Variants in CNTNAP5 observed in about 807,000 individuals in gnomAD.
CNTNAP5 encodes the protein contactin-associated protein-like 5.
CNTNAP5 carries 72 observed loss-of-function variants against 150.2 expected under a neutral mutation model. The ratio of observed to expected loss-of-function variants is 0.48; its 90% CI spans 0.40 to 0.58. The LOEUF (loss-of-function observed/expected upper bound fraction) is 0.58, where lower values mean the gene tolerates loss of function less well. Ranked by LOEUF, CNTNAP5 falls within the 20% of genes least tolerant of loss-of-function variation. The probability of loss-of-function intolerance (pLI) is 0.00; values close to 1 mark genes in which losing one functional copy is unlikely to be tolerated. For missense variants in CNTNAP5, 1,636 were observed against 1,626.2 expected, an observed-to-expected ratio of 1.01 and a Z score of -0.10; for synonymous variants, 672 against 619.8, an observed-to-expected ratio of 1.08 and a Z score of -1.25.
chr2:124,707,857 C>T (rs955064321), intron 13 of CNTNAP5, among the ~76,000 whole-genome samples: 2 of 152,238 alleles, frequency 1.3e-5, no homozygotes, highest in South Asian at 2.1e-4. Flanking sequence ...GAATTACATA[C>T]AATTATTATT....
intron 1 of CNTNAP5, among the ~76,000 whole-genome samples, chr2:124,051,211 T>C (rs75070890): frequency 1.3e-4 from 20 of 151,836 alleles, no homozygotes; most frequent in African/African-American, 4.8e-4. Flanking sequence ...AAAAAAAAAA[T>C]ACACACAAAC....
At chr2:124,449,640 C>T (rs1692916076) in intron 6 of CNTNAP5, among the ~76,000 whole-genome samples, 1 of 152,130 alleles carries the variant, frequency 6.6e-6, no homozygotes, top group Non-Finnish European at 1.5e-5. Flanking sequence ...TCAGGGCGTG[C>T]ACGGATGTCT....
Position 124,870,261 on chromosome 2 carries a change from A to G in CNTNAP5, c.3436+499A>G, listed in dbSNP as rs543215659. On this transcript the variant is annotated intron_variant, in intron 21 of 23. Coordinates refer to ENST00000682447, the MANE Select transcript of CNTNAP5 (RefSeq NM_001367498.1). ...AATTTTTTATCTACTTGATGAAGTG[A>G]ACATTTTATCACACTTAAGTGACCT... is the stretch of plus-strand genomic sequence containing the variant. 1.6e-3 allele frequency among the ~76,000 whole-genome samples: 247 copies of G among 151,552 alleles called. 1 individual carries two copies. The highest frequency in any genetic ancestry group is 3.5e-3 in the Middle Eastern group (1 of 288).
chr2:124,076,901 C>A (rs757599503), intron 1 of CNTNAP5, among the ~76,000 whole-genome samples: 1 of 152,082 alleles, frequency 6.6e-6, no homozygotes, highest in Non-Finnish European at 1.5e-5. Flanking sequence ...TATAATCTCC[C>A]TATAAAAAAC....
At chr2:124,892,650 A>G (rs979010112) in intron 21 of CNTNAP5, among the ~76,000 whole-genome samples, 2 of 152,102 alleles carry the variant, frequency 1.3e-5, no homozygotes, top group African/African-American at 4.8e-5. Flanking sequence ...GGTGAGTGCT[A>G]TACTGTAATT....
At position 124,607,233 on chromosome 2, in the gene CNTNAP5, C is replaced by G. The variant is rs992502881; in HGVS notation, c.1757-2568C>G. Reference sequence around the variant, plus strand: ...CTTAGCTAGGTGGTTCTGTCTTGGTCTCTCATGCAGCTGCAAAAAAGATGT... The same window carrying G: ...CTTAGCTAGGTGGTTCTGTCTTGGTGTCTCATGCAGCTGCAAAAAAGATGT... On this transcript the variant is annotated intron_variant, in intron 11 of 23. Transcript: ENST00000682447. Among the ~76,000 whole-genome samples the G allele has an allele frequency of 2.0e-5, 3 of 152,120 alleles. 1 individual carries two copies. The highest frequency in any genetic ancestry group is 2.0e-4 in the Admixed American group (3 of 15,260).
chr2:124,791,272 T>G (rs984111512), intron 18 of CNTNAP5, among the ~76,000 whole-genome samples: 4 of 152,230 alleles, frequency 2.6e-5, no homozygotes, highest in African/African-American at 9.6e-5. Flanking sequence ...TCTCCTGAAT[T>G]AGTTTGAATT....
At chr2:124,852,545 T>C (rs996067367) in intron 19 of CNTNAP5, among the ~76,000 whole-genome samples, 3 of 152,234 alleles carry the variant, frequency 2.0e-5, no homozygotes, top group Non-Finnish European at 4.4e-5. Context: ...GCAGACCATG[T>C]CAAAGAATTT....
chr2:124,027,036 C>G (rs530814705), intron 1 of CNTNAP5, among the ~76,000 whole-genome samples: 17 of 152,260 alleles, frequency 1.1e-4, no homozygotes, highest in African/African-American at 4.1e-4. Flanking sequence ...TGCCTTATAC[C>G]GATTGTATTA....
At chr2:124,219,923 C>CAGTG (rs1686260500) in intron 1 of CNTNAP5, among the ~76,000 whole-genome samples, 1 of 151,982 alleles carries the variant, frequency 6.6e-6, no homozygotes, top group South Asian at 2.1e-4. Flanking sequence ...TATTCTTCTT[C>CAGTG]AGTGAGGATC....
chr2:124,048,610 C>A (rs909654289), intron 1 of CNTNAP5, among the ~76,000 whole-genome samples: 2 of 152,188 alleles, frequency 1.3e-5, no homozygotes, highest in African/African-American at 4.8e-5. Context: ...ATTCATCATA[C>A]TTTCAAAGGA....
intron 2 of CNTNAP5, among the ~76,000 whole-genome samples, chr2:124,225,502 CAAAT>C (rs1057203211): frequency 9.2e-5 from 14 of 152,222 alleles, no homozygotes; most frequent in African/African-American, 2.4e-4. Flanking sequence ...GTATAATTGA[CAAAT>C]AAAACTGTAT....
At chr2:124,147,250 G>A (rs1466030016) in intron 1 of CNTNAP5, among the ~76,000 whole-genome samples, 2 of 152,108 alleles carry the variant, frequency 1.3e-5, no homozygotes, top group Non-Finnish European at 2.9e-5. Flanking sequence ...GGCAAGGTTT[G>A]TTTTCAGTTT....
intron 18 of CNTNAP5, among the ~76,000 whole-genome samples, chr2:124,797,319 A>G (rs1469027640): frequency 2.0e-5 from 3 of 152,178 alleles, no homozygotes; most frequent in Non-Finnish European, 4.4e-5. Context: ...TGGGTGATTT[A>G]CATATCCCAC....
At chr2:124,152,878 C>G (rs1280186042) in intron 1 of CNTNAP5, among the ~76,000 whole-genome samples, 1 of 152,136 alleles carries the variant, frequency 6.6e-6, no homozygotes, top group Non-Finnish European at 1.5e-5. Context: ...AAAGTTGTAA[C>G]TGGGAGACAG....
intron 1 of CNTNAP5, among the ~76,000 whole-genome samples, chr2:124,035,679 T>C (rs2104625657): frequency 6.6e-6 from 1 of 152,244 alleles, no homozygotes; most frequent in East Asian, 1.9e-4. Flanking sequence ...ATTATATCCA[T>C]GTTTATACTA....
At chr2:124,372,192 C>CA (rs536338635) in intron 3 of CNTNAP5, among the ~76,000 whole-genome samples, 401 of 152,180 alleles carry the variant, frequency 2.6e-3, no homozygotes, top group Non-Finnish European at 3.8e-3. Context: ...CATCAGACTC[C>CA]AGGTTCTTTG....
At chr2:124,506,599 G>A (rs1308592514) in intron 8 of CNTNAP5, among the ~76,000 whole-genome samples, 1 of 152,208 alleles carries the variant, frequency 6.6e-6, no homozygotes, top group Non-Finnish European at 1.5e-5. Flanking sequence ...CTGGAAGTCA[G>A]GCAGTCAAGT....
At chr2:124,535,606 C>CAAAAA (rs1168717177) in intron 10 of CNTNAP5, among the ~76,000 whole-genome samples, 5 of 76,018 alleles carry the variant, frequency 6.6e-5, no homozygotes, top group South Asian at 5.0e-4. Flanking sequence ...TACTGAAATA[C>CAAAAA]AAAAAAAAAA....
Sources: gnomAD v4.1 joint callset for allele counts (sites outside exome capture counted in the v4.1 genomes callset) on GRCh38, gnomAD v4.1.1 for gene constraint, MANE v1.5 for transcripts, NCBI Gene and HGNC (gene_info 2026-07-23, HGNC 2026-07-21) for gene names.